Variants in B3GALT1 observed in about 807,000 individuals in gnomAD.
B3GALT1 encodes beta-1,3-galactosyltransferase 1, also known as UDP-Gal:betaGlcNAc beta 1,3-galactosyltransferase, polypeptide 1.
Under a neutral mutation model 23.2 loss-of-function variants are expected in B3GALT1, and 10 were observed. That is an observed-to-expected ratio of 0.43 (90% confidence interval 0.27 to 0.73). B3GALT1 has a LOEUF of 0.73. Among genes scored for constraint, B3GALT1 ranks in the 30% least tolerant of loss-of-function variants. The pLI, the probability that B3GALT1 is intolerant of heterozygous loss-of-function variation, is 0.21. For missense variants in B3GALT1, 299 were observed against 405.4 expected (o/e 0.74, Z 2.25); for synonymous variants, 156 against 141.5 (o/e 1.10, Z -0.73).
At chr2:167,842,617 T>TTAC (rs1179899820) in intron 4 of B3GALT1, among the ~76,000 whole-genome samples, 2 of 152,186 alleles carry the variant, frequency 1.3e-5, no homozygotes, top group African/African-American at 4.8e-5. Context: ...CTCACACCTG[T>TTAC]AATCCCAGCA....
At chr2:167,652,815 A>G (rs554917994) in intron 3 of B3GALT1, among the ~76,000 whole-genome samples, 7 of 152,306 alleles carry the variant, frequency 4.6e-5, no homozygotes, top group Non-Finnish European at 8.8e-5. Flanking sequence ...TATGCTACCT[A>G]TAAATATTTA....
chr2:167,448,208 C>T (rs1423625802), intron 1 of B3GALT1, among the ~76,000 whole-genome samples: 1 of 152,050 alleles, frequency 6.6e-6, no homozygotes, highest in Non-Finnish European at 1.5e-5. Context: ...CACTGTTGTC[C>T]TTAGTGGTTG....
intron 3 of B3GALT1, among the ~76,000 whole-genome samples, chr2:167,767,282 GCTT>G (rs757876076): frequency 2.0e-5 from 3 of 152,102 alleles, no homozygotes; most frequent in Admixed American, 6.5e-5. Flanking sequence ...GCTGCTGAGG[GCTT>G]CTTCTTCAAC....
intron 1 of B3GALT1, among the ~76,000 whole-genome samples, chr2:167,336,955 T>TA (rs1697066598): frequency 6.6e-6 from 1 of 152,054 alleles, no homozygotes; most frequent in African/African-American, 2.4e-5. Context: ...AACAGTTGGG[T>TA]TATGGTGCAA....
intron 3 of B3GALT1, among the ~76,000 whole-genome samples, chr2:167,693,278 A>G (rs1408889857): frequency 1.3e-5 from 2 of 152,132 alleles, no homozygotes; most frequent in Non-Finnish European, 2.9e-5. Context: ...AGAAACAAAA[A>G]AAGAGATGTC....
chr2:167,536,351 G>T (rs1220339932), intron 2 of B3GALT1, among the ~76,000 whole-genome samples: 1 of 152,138 alleles, frequency 6.6e-6, no homozygotes, highest in Non-Finnish European at 1.5e-5. Context: ...ATAAAAGAAA[G>T]AGAAAGACGT....
intron 2 of B3GALT1, among the ~76,000 whole-genome samples, chr2:167,503,269 G>A (rs1699872562): frequency 6.6e-6 from 1 of 151,974 alleles, no homozygotes; most frequent in Non-Finnish European, 1.5e-5. Flanking sequence ...ATACCTGACA[G>A]GTATTTATGG....
intron 3 of B3GALT1, among the ~76,000 whole-genome samples, chr2:167,791,267 G>C (rs944746063): frequency 4.6e-5 from 7 of 152,090 alleles, no homozygotes; most frequent in Non-Finnish European, 1.0e-4. Flanking sequence ...AGGCAGCTTT[G>C]ACCAGTAGAC....
intron 2 of B3GALT1, among the ~76,000 whole-genome samples, chr2:167,640,940 A>G (rs1685642856): frequency 6.6e-6 from 1 of 152,180 alleles, no homozygotes; most frequent in South Asian, 2.1e-4. Context: ...ATTGAGCTCA[A>G]CAATGGTCTG....
In B3GALT1 at chr2:167,701,829, C is replaced by T. The variant is rs553152947; in HGVS notation, c.-352+54863C>T. 3.3e-5 allele frequency among the ~76,000 whole-genome samples: 5 copies of T among 152,254 alleles called. No homozygotes were observed. The South Asian group carries it at 1.0e-3, about 32-fold the overall frequency. The stretch of plus-strand genomic sequence containing the variant: ...TTTGAGGACAGATGCTATTTGGCAG[C>T]CATCAACATGCTACATCAAGCGTCT... On this transcript the variant is annotated intron_variant, in intron 3 of 4. Transcript: ENST00000392690.
chr2:167,653,764 C>T (rs1312253404), intron 3 of B3GALT1, among the ~76,000 whole-genome samples: 1 of 152,170 alleles, frequency 6.6e-6, no homozygotes, highest in Non-Finnish European at 1.5e-5. Flanking sequence ...AAAACCACCT[C>T]AGTAGCTAAA....
intron 4 of B3GALT1, among the ~76,000 whole-genome samples, chr2:167,832,194 A>G (rs1367894730): frequency 6.6e-6 from 1 of 152,240 alleles, no homozygotes; most frequent in Non-Finnish European, 1.5e-5. Flanking sequence ...TAAGCTACAT[A>G]AATGACAATT....
At chr2:167,747,157 A>G (rs1227733993) in intron 3 of B3GALT1, among the ~76,000 whole-genome samples, 1 of 152,130 alleles carries the variant, frequency 6.6e-6, no homozygotes, top group Non-Finnish European at 1.5e-5. Flanking sequence ...TTGATTATTC[A>G]TGGTGATAAA....
intron 3 of B3GALT1, among the ~76,000 whole-genome samples, chr2:167,660,813 G>A (rs731923): frequency 0.56 from 85,412 of 151,976 alleles, 27,181 homozygotes; most frequent in Middle Eastern, 0.7. Context: ...GTGATTGTAC[G>A]ATTGCATTGC....
chr2:167,506,955 G>A (rs1699926729), intron 2 of B3GALT1, among the ~76,000 whole-genome samples: 1 of 152,080 alleles, frequency 6.6e-6, no homozygotes, highest in Non-Finnish European at 1.5e-5. Flanking sequence ...GACTATGGAA[G>A]CCTTACATAC....
At chr2:167,369,061 TTGTGTGTGTG>T (rs60938716) in intron 1 of B3GALT1, among the ~76,000 whole-genome samples, 2,002 of 147,556 alleles carry the variant, frequency 0.014, 53 homozygotes, top group African/African-American at 0.048. Flanking sequence ...AAACTCTTAT[TTGTGTGTGTG>T]TGTGTGTGTG....
chr2:167,400,505 T>C (rs1698171254), intron 1 of B3GALT1, among the ~76,000 whole-genome samples: 1 of 152,110 alleles, frequency 6.6e-6, no homozygotes, highest in Non-Finnish European at 1.5e-5. Flanking sequence ...ATTTCCTATC[T>C]GCTTTGCCAG....
At chr2:167,508,462 G>T (rs1699956370) in intron 2 of B3GALT1, among the ~76,000 whole-genome samples, 1 of 151,748 alleles carries the variant, frequency 6.6e-6, no homozygotes, top group Non-Finnish European at 1.5e-5. Flanking sequence ...GTTTCACCGT[G>T]TTAGCCAGGA....
rs184533960 is a variant in B3GALT1 at position 167,832,218 on chromosome 2, C to T, written c.-230+13425C>T. On this transcript the variant is annotated intron_variant, in intron 4 of 4. Coordinates refer to ENST00000392690, the MANE Select transcript of B3GALT1 (RefSeq NM_020981.4). Reference sequence around the variant, plus strand: ...TAAATGACAATTTCATGTGCTTCCACCAAATGGAATTAGACGTCTCTAAAT... The same window carrying T: ...TAAATGACAATTTCATGTGCTTCCATCAAATGGAATTAGACGTCTCTAAAT... 4.2e-4 allele frequency among the ~76,000 whole-genome samples: 64 copies of T among 152,298 alleles called. No homozygotes were observed. In the East Asian group the frequency reaches 0.011, roughly 26 times the overall value.
Sources: allele counts gnomAD v4.1 joint callset (sites outside exome capture counted in the v4.1 genomes callset), GRCh38; gene constraint gnomAD v4.1.1; transcripts MANE v1.5; gene names NCBI Gene and HGNC (gene_info 2026-07-23, HGNC 2026-07-21).